The following MTMR7 variants were observed in gnomAD, a reference collection of about 807,000 sequenced individuals.
MTMR7 encodes the protein myotubularin related protein 7, also known as phosphatidylinositol-3-phosphate phosphatase MTMR7.
In MTMR7, 76 loss-of-function variants were observed where a neutral mutation model predicts 81.2. The ratio of observed to expected loss-of-function variants is 0.94; its 90% CI spans 0.78 to 1.13. The LOEUF (loss-of-function observed/expected upper bound fraction) is 1.13, where lower values mean the gene tolerates loss of function less well. MTMR7 is among the 50% of genes most tolerant of loss of function. MTMR7 has a pLI of 0.00. For synonymous variants in MTMR7, 372 were observed against 289.8 expected (o/e 1.28, Z -2.88); for missense variants, 1,044 against 820.0 (o/e 1.27, Z -3.34).
chr8:17,368,117 C>T (rs1405301865), intron 3 of MTMR7, among the ~76,000 whole-genome samples: 1 of 151,940 alleles, frequency 6.6e-6, no homozygotes, highest in African/African-American at 2.4e-5. Context: ...CAGGATGAAA[C>T]TCTTCCACCT....
intron 1 of MTMR7, among the ~76,000 whole-genome samples, chr8:17,408,429 G>T (rs901730903): frequency 6.7e-6 from 1 of 148,270 alleles, no homozygotes; most frequent in Non-Finnish European, 1.5e-5. Flanking sequence ...GAACATCATG[G>T]ATTCACCGTC....
chr8:17,371,089 C>G lies in MTMR7; in HGVS notation c.258G>C (p.Gln86His), dbSNP rs1370244917. ...NFQIIQLIIPQERDCHDVYIS... is the reference protein window; with the variant it reads ...NFQIIQLIIPHERDCHDVYIS... Reference sequence around the variant, plus strand: ...TGTACACGTCGTGGCAATCTCTTTCCTGAGGTATGATGAGCTGTATTATCT... The same window carrying G: ...TGTACACGTCGTGGCAATCTCTTTCGTGAGGTATGATGAGCTGTATTATCT... The change falls in exon 3 of 14, where the codon CAG becomes CAC. Residue 86 changes from glutamine (Q) to histidine (H), a missense_variant. Transcript: ENST00000180173. 6.2e-7 allele frequency: 1 copy of G among 1,614,002 alleles called. No individual in the cohort carries two copies. Among genetic ancestry groups the G allele is most frequent in the African/African-American group, 1.3e-5 (1 of 74,914 alleles).
At chr8:17,379,350 C>T (rs1820691295) in intron 1 of MTMR7, among the ~76,000 whole-genome samples, 1 of 152,128 alleles carries the variant, frequency 6.6e-6, no homozygotes, top group African/African-American at 2.4e-5. Context: ...ACGCGAACTC[C>T]ACCCCGGAGC....
At chr8:17,405,076 TTC>T (rs1371032250) in intron 1 of MTMR7, among the ~76,000 whole-genome samples, 9 of 152,254 alleles carry the variant, frequency 5.9e-5, no homozygotes, top group Admixed American at 5.9e-4. Context: ...GGCCCTGAAC[TTC>T]TGACCTCAAA....
intron 6 of MTMR7, among the ~76,000 whole-genome samples, chr8:17,333,804 G>A (rs1309263620): frequency 6.6e-6 from 1 of 152,058 alleles, no homozygotes. Flanking sequence ...AGCTGTGATC[G>A]TGCCACTGTA....
At chr8:17,349,333 G>A in intron 4 of MTMR7, 1 of 337,924 alleles carries the variant, frequency 3.0e-6, no homozygotes, top group South Asian at 7.1e-5. Context: ...CTCTCTCCAA[G>A]GGCTCTTTGT....
At chr8:17,350,890 T>C (rs1165489301) in intron 4 of MTMR7, among the ~76,000 whole-genome samples, 1 of 152,158 alleles carries the variant, frequency 6.6e-6, no homozygotes, top group Non-Finnish European at 1.5e-5. Context: ...CCAAAGAGTT[T>C]AACATGGCCT....
intron 1 of MTMR7, among the ~76,000 whole-genome samples, chr8:17,408,740 T>TA (rs1821663974): frequency 6.6e-6 from 1 of 152,152 alleles, no homozygotes; most frequent in African/African-American, 2.4e-5. Flanking sequence ...CTAAATTCAA[T>TA]GAGATAATAT....
intron 7 of MTMR7, among the ~76,000 whole-genome samples, chr8:17,318,804 C>A (rs1218065513): frequency 6.6e-6 from 1 of 152,214 alleles, no homozygotes; most frequent in Admixed American, 6.5e-5. Flanking sequence ...CCAGGGACAG[C>A]TGACACAGGA....
chr8:17,345,374 G>A (rs569367318), intron 5 of MTMR7, among the ~76,000 whole-genome samples: 140 of 152,298 alleles, frequency 9.2e-4, no homozygotes, highest in Non-Finnish European at 1.2e-3. Flanking sequence ...ATCCTCCTGT[G>A]GGAACCAAGG....
intron 4 of MTMR7, 147 bp downstream of exon 4, chr8:17,360,970 C>A: frequency 1.2e-6 from 1 of 830,984 alleles, no homozygotes; most frequent in Non-Finnish European, 1.9e-6. Flanking sequence ...GTAAATACAG[C>A]TGGCACTAAC....
At chr8:17,346,338 C>T (rs1245778340) in intron 5 of MTMR7, among the ~76,000 whole-genome samples, 1 of 152,140 alleles carries the variant, frequency 6.6e-6, no homozygotes, top group Non-Finnish European at 1.5e-5. Flanking sequence ...GATCACGCAG[C>T]GCTGCTTCGA....
intron 1 of MTMR7, among the ~76,000 whole-genome samples, chr8:17,391,327 G>A (rs536926005): frequency 6.6e-6 from 1 of 152,162 alleles, no homozygotes; most frequent in African/African-American, 2.4e-5. Flanking sequence ...TTAAAAATGG[G>A]AGATTTTCCA....
At chr8:17,387,122 A>C (rs938249712) in intron 1 of MTMR7, among the ~76,000 whole-genome samples, 1 of 152,234 alleles carries the variant, frequency 6.6e-6, no homozygotes, top group Non-Finnish European at 1.5e-5. Flanking sequence ...CTCATATGAT[A>C]GATATCACTG....
intron 7 of MTMR7, among the ~76,000 whole-genome samples, chr8:17,320,878 A>C (rs933469473): frequency 6.6e-6 from 1 of 152,234 alleles, no homozygotes; most frequent in Non-Finnish European, 1.5e-5. Flanking sequence ...CTTTCTGTCC[A>C]ACCCCAGGCC....
rs553908707 is a variant in MTMR7 at position 17,403,477 on chromosome 8, T to A, written c.24+9792A>T. 2.0e-5 allele frequency among the ~76,000 whole-genome samples: 3 copies of A among 152,190 alleles called. No individual in the cohort carries two copies. The South Asian group carries it at 6.2e-4, about 32-fold the overall frequency. On this transcript the variant is annotated intron_variant, in intron 1 of 13. Coordinates refer to ENST00000180173, the MANE Select transcript of MTMR7 (RefSeq NM_004686.5). ...CAATACCATACTGTTTTGGTTACGG[T>A]AGCTCTGTAGTATAATTTGAAGTCA...
intron 7 of MTMR7, among the ~76,000 whole-genome samples, chr8:17,330,195 G>C (rs1030994800): frequency 6.6e-6 from 1 of 152,230 alleles, no homozygotes; most frequent in Non-Finnish European, 1.5e-5. Context: ...ACGAAGAACG[G>C]CTTAAGTAAC....
chr8:17,329,895 A>T (rs1340409535), intron 7 of MTMR7, among the ~76,000 whole-genome samples: 2 of 152,190 alleles, frequency 1.3e-5, no homozygotes, highest in African/African-American at 4.8e-5. Context: ...ACTGACTGCC[A>T]ATTATGTACA....
intron 6 of MTMR7, chr8:17,338,693 G>A (rs1216694190): frequency 6.6e-6 from 1 of 151,480 alleles, no homozygotes; most frequent in African/African-American, 2.4e-5. Context: ...GAGATTTTCT[G>A]GTATGTTTCA....
Sources: allele counts gnomAD v4.1 joint callset (sites outside exome capture counted in the v4.1 genomes callset), GRCh38; gene constraint gnomAD v4.1.1; transcripts MANE v1.5; gene names NCBI Gene and HGNC (gene_info 2026-07-23, HGNC 2026-07-21).